MYL10: variants seen among roughly 807,000 people sequenced by gnomAD.
The protein encoded by MYL10 is myosin regulatory light chain 10.
In MYL10, 18 loss-of-function variants were observed where a neutral mutation model predicts 21.9. The observed-to-expected ratio is 0.82, with a 90% confidence interval of 0.57 to 1.22. The LOEUF is 1.22. Ranked by LOEUF, MYL10 falls within the 50% of genes most tolerant of loss-of-function variation. MYL10 has a pLI of 0.00. For synonymous variants in MYL10, 88 were observed against 82.8 expected (o/e 1.06, Z -0.34); for missense variants, 225 against 230.4 (o/e 0.98, Z 0.15).
intron 6 of MYL10, among the ~76,000 whole-genome samples, chr7:101,614,023 C>T (rs985587908): frequency 6.6e-6 from 1 of 152,160 alleles, no homozygotes; most frequent in Non-Finnish European, 1.5e-5. Context: ...TGAGGGGAGA[C>T]ACCTCAGGTC....
At chr7:101,616,068 G>A in intron 6 of MYL10, 152 bp downstream of exon 6, 2 of 634,312 alleles carry the variant, frequency 3.2e-6, no homozygotes, top group Non-Finnish European at 5.7e-6. Flanking sequence ...GGCCCAGAGA[G>A]GGGAAGGGAC....
chr7:101,615,629 T>G (rs1333497109), intron 6 of MYL10, among the ~76,000 whole-genome samples: 1 of 147,304 alleles, frequency 6.8e-6, no homozygotes, highest in African/African-American at 2.5e-5. Context: ...CAGTCATTCT[T>G]CAAGATCTGC....
rs926043098 is a variant in MYL10 at position 101,629,258 on chromosome 7, C to G, written c.-140G>C. 3.5e-6 allele frequency: 1 copy of G among 289,656 alleles called. No individual in the cohort carries two copies. The highest frequency in any genetic ancestry group is 6.7e-6 in the Non-Finnish European group (1 of 148,964). 17.9% of individuals were successfully genotyped at this position (289,656 alleles called of 1,614,324 possible). A position where few individuals can be genotyped will look rare whatever the true frequency, so the allele number is the denominator to read the frequency against. On this transcript the variant is annotated 5_prime_UTR_variant, in exon 1 of 8. It removes the in-frame stop codon of an upstream open reading frame in the 5' UTR. Transcript: ENST00000223167. ...CTCGCTTCTTCCATGCCCAGCTGCTCAAACCTCTAGGCGGACCATGCAGAC... is the reference window on the plus strand; with the variant it reads ...CTCGCTTCTTCCATGCCCAGCTGCTGAAACCTCTAGGCGGACCATGCAGAC...
At chr7:101,620,014 A>G (rs1389002704) in intron 5 of MYL10, among the ~76,000 whole-genome samples, 2 of 152,000 alleles carry the variant, frequency 1.3e-5, no homozygotes, top group Non-Finnish European at 2.9e-5. Flanking sequence ...TTATCCCAGT[A>G]GGACCTGAAT....
chr7:101,621,644 A>G (rs964795802), intron 5 of MYL10, among the ~76,000 whole-genome samples: 2 of 152,002 alleles, frequency 1.3e-5, no homozygotes, highest in Non-Finnish European at 2.9e-5. Context: ...GCTGGAGTGC[A>G]GTGGTGCGAT....
intron 1 of MYL10, among the ~76,000 whole-genome samples, chr7:101,626,127 G>A (rs1051919494): frequency 3.3e-5 from 5 of 152,210 alleles, no homozygotes; most frequent in African/African-American, 4.8e-5. Context: ...GGGGTCACCC[G>A]GATCTGGGTT....
chr7:101,627,013 C>T (rs890858166), intron 1 of MYL10, among the ~76,000 whole-genome samples: 3 of 152,150 alleles, frequency 2.0e-5, no homozygotes, highest in Non-Finnish European at 2.9e-5. Context: ...GAAATGAGGC[C>T]GGGCGCTGTG....
At chr7:101,621,218 C>T (rs887133183) in intron 5 of MYL10, among the ~76,000 whole-genome samples, 1 of 152,090 alleles carries the variant, frequency 6.6e-6, no homozygotes, top group African/African-American at 2.4e-5. Context: ...TGCTGTGTCT[C>T]GGGCGGGTAC....
At chr7:101,615,014 T>C (rs150376699) in intron 6 of MYL10, among the ~76,000 whole-genome samples, 8 of 152,092 alleles carry the variant, frequency 5.3e-5, no homozygotes, top group East Asian at 1.9e-4. Context: ...CTGGGAAGGC[T>C]GCCACTCCCC....
chr7:101,618,529 C>T (rs141142964), intron 5 of MYL10, among the ~76,000 whole-genome samples: 2 of 152,320 alleles, frequency 1.3e-5, no homozygotes, highest in African/African-American at 4.8e-5. Flanking sequence ...TCCCTGTTAC[C>T]GTGGCTGGCA....
At chr7:101,624,052 A>G (rs1796714873) in intron 2 of MYL10, 31 bp from the exon 3 acceptor site, 3 of 668,362 alleles carry the variant, frequency 4.5e-6, no homozygotes, top group Middle Eastern at 2.7e-4. Context: ...AATAATAATA[A>G]TAGTAATAAT....
chr7:101,622,399 G>A (rs1329207663), intron 4 of MYL10, among the ~76,000 whole-genome samples, 199 bp from the exon 5 acceptor site: 1 of 152,120 alleles, frequency 6.6e-6, no homozygotes, highest in African/African-American at 2.4e-5. Context: ...TCATGAGAAG[G>A]GAGCAAGTCA....
At chr7:101,623,447 C>A (rs1796704408) in intron 3 of MYL10, among the ~76,000 whole-genome samples, 1 of 152,156 alleles carries the variant, frequency 6.6e-6, no homozygotes, top group Non-Finnish European at 1.5e-5. Context: ...GCAGTCCCAG[C>A]AATTTGGGAG....
Position 101,624,161 on chromosome 7 carries a change from A to G in MYL10, c.171+11T>C. On this transcript the variant is annotated intron_variant, in intron 2 of 7. Transcript: ENST00000223167. The stretch of plus-strand genomic sequence containing the variant: ...AATCCTCATAACAGCCCCATGGGGC[A>G]GCAGACCAACCTCTTTAAACTCCTG... 6 of 1,580,532 alleles carry G rather than the reference A, an allele frequency of 3.8e-6. No homozygotes were observed. Among genetic ancestry groups the G allele is most frequent in the Non-Finnish European group, 5.2e-6 (6 of 1,151,430 alleles).
intron 1 of MYL10, among the ~76,000 whole-genome samples, chr7:101,627,171 C>T (rs1474619322): frequency 5.3e-5 from 8 of 150,826 alleles, no homozygotes; most frequent in African/African-American, 7.3e-5. Flanking sequence ...TGGTGGCGGG[C>T]GCCTGTAATC....
intron 3 of MYL10, among the ~76,000 whole-genome samples, chr7:101,623,650 G>A (rs967175402): frequency 1.4e-5 from 2 of 138,576 alleles, no homozygotes; most frequent in Non-Finnish European, 3.0e-5. Flanking sequence ...AGCATTGACT[G>A]CAACACTGTA....
At chr7:101,615,362 T>C (rs948457496) in intron 6 of MYL10, among the ~76,000 whole-genome samples, 3 of 151,640 alleles carry the variant, frequency 2.0e-5, no homozygotes, top group African/African-American at 7.3e-5. Flanking sequence ...CAGGCTGGCC[T>C]CCATGGTGTC....
chr7:101,626,668 C>T (rs751992577), intron 1 of MYL10, among the ~76,000 whole-genome samples: 15 of 152,178 alleles, frequency 9.9e-5, no homozygotes, highest in Non-Finnish European at 1.8e-4. Context: ...CAAATACTGA[C>T]CCCCGGCCCT....
chr7:101,627,817 C>T (rs542000090), intron 1 of MYL10, among the ~76,000 whole-genome samples: 9 of 152,236 alleles, frequency 5.9e-5, no homozygotes, highest in Non-Finnish European at 1.0e-4. Context: ...GCTGCCTACC[C>T]CAATGGGAAG....
Sources: gnomAD v4.1 joint callset for allele counts (sites outside exome capture counted in the v4.1 genomes callset) on GRCh38, gnomAD v4.1.1 for gene constraint, MANE v1.5 for transcripts, NCBI Gene and HGNC (gene_info 2026-07-23, HGNC 2026-07-21) for gene names.